The following LMO7 variants were observed in gnomAD, a reference collection of about 807,000 sequenced individuals.
LMO7 encodes LIM domain only protein 7.
Under a neutral mutation model 206.5 loss-of-function variants are expected in LMO7, and 120 were observed. The ratio of observed to expected loss-of-function variants is 0.58; its 90% CI spans 0.50 to 0.68. LMO7 has a LOEUF of 0.68. Among genes scored for constraint, LMO7 ranks in the 30% least tolerant of loss-of-function variants. The pLI is 0.00. For synonymous variants in LMO7, 706 were observed against 681.5 expected, an observed-to-expected ratio of 1.04 and a Z score of -0.56; for missense variants, 1,959 against 1,957.9, an observed-to-expected ratio of 1.00 and a Z score of -0.01.
Position 75,672,463 on chromosome 13 carries a change from A to G in LMO7, c.69+35737A>G, listed in dbSNP as rs574392486. Reference sequence around the variant, plus strand: ...TTCATGTTGGCCAGGCTGGTCTCGAACTCCCTACCTCAGGTGATACAATTG... The same window carrying G: ...TTCATGTTGGCCAGGCTGGTCTCGAGCTCCCTACCTCAGGTGATACAATTG... On this transcript the variant is annotated intron_variant, in intron 1 of 30. Coordinates refer to ENST00000377534, the MANE Select transcript of LMO7 (RefSeq NM_001306080.2). Among the ~76,000 whole-genome samples the G allele has an allele frequency of 6.6e-5, 10 of 152,018 alleles. No homozygotes were observed. The East Asian group carries it at 1.7e-3, about 26-fold the overall frequency.
chr13:75,794,094 G>T (rs936327531), intron 4 of LMO7, among the ~76,000 whole-genome samples: 3 of 152,136 alleles, frequency 2.0e-5, no homozygotes, highest in Admixed American at 1.3e-4. Context: ...TTTTTGTTGC[G>T]ATGAATAGTG....
intron 3 of LMO7, among the ~76,000 whole-genome samples, chr13:75,734,370 A>T (rs2045590407): frequency 6.6e-6 from 1 of 152,188 alleles, no homozygotes; most frequent in Non-Finnish European, 1.5e-5. Flanking sequence ...CAATGATAGG[A>T]GTCTGTTAAG....
intron 2 of LMO7, among the ~76,000 whole-genome samples, chr13:75,624,356 C>T: frequency 6.6e-6 from 1 of 152,194 alleles, no homozygotes; most frequent in East Asian, 1.9e-4. Flanking sequence ...AGCTTCCTAG[C>T]CTCTCTGCTG....
chr13:75,646,405 C>G (rs751678346), intron 1 of LMO7, among the ~76,000 whole-genome samples: 3 of 152,114 alleles, frequency 2.0e-5, no homozygotes, highest in Non-Finnish European at 4.4e-5. Flanking sequence ...CGCCCTCCTC[C>G]CCTGACAATG....
intron 2 of LMO7, among the ~76,000 whole-genome samples, chr13:75,717,443 G>T (rs1344476136): frequency 1.3e-5 from 2 of 149,114 alleles, no homozygotes; most frequent in African/African-American, 4.9e-5. Flanking sequence ...TTCCTTTCTT[G>T]TATCTTGGAA....
At chr13:75,727,973 G>C (rs2044656038) in intron 3 of LMO7, among the ~76,000 whole-genome samples, 1 of 151,998 alleles carries the variant, frequency 6.6e-6, no homozygotes, top group African/African-American at 2.4e-5. Flanking sequence ...TTTTATGGCT[G>C]CATAGTATTC....
rs113811916 is a variant in LMO7 at position 75,644,139 on chromosome 13, GT to G, written c.69+7423del. Among the ~76,000 whole-genome samples, 59 of 148,156 alleles carry G rather than the reference GT, an allele frequency of 4.0e-4. No individual in the cohort carries two copies. In the South Asian group the frequency reaches 6.9e-3, roughly 17 times the overall value. On this transcript the variant is annotated intron_variant, in intron 1 of 30. Coordinates refer to ENST00000377534, the MANE Select transcript of LMO7 (RefSeq NM_001306080.2). ...ATAGCGAGTTACCTGCTAGTGAAGTGTTTTTTTTTTAAGAGAAGCTGAAAAA... is the reference window on the plus strand; with the variant it reads ...ATAGCGAGTTACCTGCTAGTGAAGTGTTTTTTTTTAAGAGAAGCTGAAAAA...
chr13:75,843,409 G>T (rs2059708852), intron 25 of LMO7, among the ~76,000 whole-genome samples: 1 of 152,192 alleles, frequency 6.6e-6, no homozygotes, highest in Non-Finnish European at 1.5e-5. Flanking sequence ...GAGAAGAGAA[G>T]AACACTGCCT....
intron 1 of LMO7, among the ~76,000 whole-genome samples, chr13:75,711,615 AC>A (rs912909241): frequency 2.0e-4 from 30 of 151,160 alleles, no homozygotes; most frequent in African/African-American, 7.1e-4. Flanking sequence ...GGTGCGCTGC[AC>A]CCCCCCTGTC....
intron 10 of LMO7, 100 bp from the exon 11 acceptor site, chr13:75,809,054 C>A: frequency 1.2e-6 from 1 of 854,392 alleles, no homozygotes; most frequent in South Asian, 1.4e-5. Context: ...TGAGATTTGT[C>A]CGTCTCCAGT....
rs570629862 is a variant in LMO7, at chr13:75,712,927, T to A, written c.70-255T>A. 9.9e-3 allele frequency among the ~76,000 whole-genome samples: 1,340 copies of A among 134,788 alleles called. 24 individuals carry two copies. The highest frequency in any genetic ancestry group is 0.041 in the African/African-American group (1,237 of 30,012). 88.4% of individuals were successfully genotyped at this position (134,788 alleles called of 152,430 possible). A position where few individuals can be genotyped will look rare whatever the true frequency, so the allele number is the denominator to read the frequency against. On this transcript the variant is annotated intron_variant, in intron 1 of 30. Transcript: ENST00000377534. ...CTCTTTTGTGTATCATCCAATAAAA[T>A]GATTATATTACTGAAAACACTCATT...
Position 75,796,820 on chromosome 13 carries a change from C to A in LMO7, c.462+71C>A, listed in dbSNP as rs868733941. 65 of 940,638 alleles carry A rather than the reference C, an allele frequency of 6.9e-5. 1 individual carries two copies. In the South Asian group the frequency reaches 8.5e-4, roughly 12 times the overall value. The allele number at this position is 940,638 out of a possible 1,614,324, so 58.3% of individuals were successfully genotyped here. A position where few individuals can be genotyped will look rare whatever the true frequency, so the allele number is the denominator to read the frequency against. On this transcript the variant is annotated intron_variant, in intron 6 of 30. Transcript: ENST00000377534. ...CACTGCTTTCCCTTCCTCCTCTCTT[C>A]TTTTTCTTCTCCTTCTCCTCTATAA...
At chr13:75,660,565 T>C (rs887153416) in intron 1 of LMO7, among the ~76,000 whole-genome samples, 1 of 152,198 alleles carries the variant, frequency 6.6e-6, no homozygotes, top group African/African-American at 2.4e-5. Context: ...GTGCTTCTTC[T>C]TCAGTGTACA....
intron 1 of LMO7, among the ~76,000 whole-genome samples, chr13:75,650,645 T>A (rs143156222): frequency 6.6e-6 from 1 of 152,358 alleles, no homozygotes; most frequent in East Asian, 1.9e-4. Context: ...CCCTTACTTT[T>A]AGCTACTATC....
intron 2 of LMO7, chr13:75,627,384 A>G (rs2034337538): frequency 6.6e-6 from 1 of 152,232 alleles, no homozygotes; most frequent in South Asian, 2.1e-4. Flanking sequence ...GGTAGGTTAA[A>G]TACTTAACAA....
In LMO7 at chr13:75,776,204, T is replaced by TAA. The variant is rs1555317415; in HGVS notation, c.317+15167_317+15168dup. On this transcript the variant is annotated intron_variant, in intron 4 of 30. Coordinates refer to ENST00000377534, the MANE Select transcript of LMO7 (RefSeq NM_001306080.2). Reference sequence around the variant, plus strand: ...ATATATATATATATATATATATATATAACGTTAAGTCGTAGTAAGTGATTG... The same window carrying TAA: ...ATATATATATATATATATATATATATAAAACGTTAAGTCGTAGTAAGTGATTG... 9.6e-4 allele frequency among the ~76,000 whole-genome samples: 116 copies of TAA among 120,614 alleles called. 2 individuals carry two copies. The highest frequency in any genetic ancestry group is 3.4e-3 in the African/African-American group (112 of 33,328). 79.1% of individuals were successfully genotyped at this position (120,614 alleles called of 152,430 possible). A position where few individuals can be genotyped will look rare whatever the true frequency, so the allele number is the denominator to read the frequency against.
intron 1 of LMO7, among the ~76,000 whole-genome samples, chr13:75,691,164 A>G (rs750597788): frequency 2.0e-5 from 3 of 152,200 alleles, no homozygotes; most frequent in Non-Finnish European, 4.4e-5. Flanking sequence ...AGCCAAACTG[A>G]CTGAGAAAAG....
At chr13:75,665,214 A>C (rs1247906738) in intron 1 of LMO7, among the ~76,000 whole-genome samples, 1 of 152,144 alleles carries the variant, frequency 6.6e-6, no homozygotes, top group African/African-American at 2.4e-5. Flanking sequence ...AAATATTTAA[A>C]TCTTTCAGAA....
rs138944909 is a variant in LMO7 at position 75,823,637 on chromosome 13, C to T, written c.2713C>T (p.Pro905Ser). The change falls in exon 15 of 31, where the codon CCT becomes TCT. Residue 905 changes from proline (P) to serine (S), a missense_variant. Coordinates refer to ENST00000377534, the MANE Select transcript of LMO7 (RefSeq NM_001306080.2). ...AACTCCAAACAATGTGGTCAGCACC[C>T]CTGCACCAAGCCCGGACGCAAGCCA... The part of the protein sequence containing the change: ...KRTPNNVVST[P>S]APSPDASQLA... The T allele has an allele frequency of 1.2e-6, 2 of 1,613,914 alleles. No individual in the cohort carries two copies. Among genetic ancestry groups the T allele is most frequent in the Non-Finnish European group, 1.7e-6 (2 of 1,179,958 alleles).
Sources: allele counts gnomAD v4.1 joint callset (sites outside exome capture counted in the v4.1 genomes callset), GRCh38; gene constraint gnomAD v4.1.1; transcripts MANE v1.5; gene names NCBI Gene and HGNC (gene_info 2026-07-23, HGNC 2026-07-21).